NEK1: variants seen among roughly 807,000 people sequenced by gnomAD.
NEK1 encodes NIMA related kinase 1, also known as serine/threonine-protein kinase Nek1.
A neutral mutation model predicts 182.1 loss-of-function variants in NEK1; 137 were observed. The observed-to-expected ratio is 0.75, with a 90% CI of 0.65 to 0.87. The LOEUF (loss-of-function observed/expected upper bound fraction) is 0.87, where lower values mean the gene tolerates loss of function less well. Among genes scored for constraint, NEK1 ranks in the 40% least tolerant of loss-of-function variants. The pLI is 0.00. For missense variants in NEK1, 1,391 were observed against 1,494.4 expected, an observed-to-expected ratio of 0.93 and a Z score of 1.14; for synonymous variants, 513 against 492.2, an observed-to-expected ratio of 1.04 and a Z score of -0.56.
chr4:169,400,539 C>T lies in NEK1; in HGVS notation c.3696G>A (p.Glu1232=), dbSNP rs1213227726. The change falls in exon 34 of 36, where the codon GAG becomes GAA. Residue 1232 remains glutamate (E), a synonymous_variant. Coordinates refer to ENST00000507142, the MANE Select transcript of NEK1 (RefSeq NM_001199397.3). ...EQEMGFEKFF[E]VYEKIKAIHE... ...CACTTACCTTTATTTTCTCATAAACCTCAAAGAATTTTTCAAAGCCCATTT... is the reference window on the plus strand; with the variant it reads ...CACTTACCTTTATTTTCTCATAAACTTCAAAGAATTTTTCAAAGCCCATTT... 1.9e-6 allele frequency: 3 copies of T among 1,602,388 alleles called. No homozygotes were observed. The highest frequency in any genetic ancestry group is 1.7e-5 in the Admixed American group (1 of 57,922).
intron 27 of NEK1, among the ~76,000 whole-genome samples, chr4:169,462,637 A>G (rs370664991): frequency 6.6e-6 from 1 of 152,124 alleles, no homozygotes; most frequent in East Asian, 1.9e-4. Context: ...GAGAAGGAAA[A>G]AGAACACAAA....
At chr4:169,567,554 C>A (rs1763917589) in intron 12 of NEK1, among the ~76,000 whole-genome samples, 5 of 152,120 alleles carry the variant, frequency 3.3e-5, no homozygotes. Flanking sequence ...CACATGTCAC[C>A]ATGCCTGGTT....
intron 28 of NEK1, among the ~76,000 whole-genome samples, chr4:169,434,776 CTTTAAGTT>C (rs1738094877): frequency 6.6e-6 from 1 of 152,174 alleles, no homozygotes; most frequent in Admixed American, 6.5e-5. Context: ...TTGTACTAAT[CTTTAAGTT>C]TTTATCTTTT....
At chr4:169,479,381 T>C in intron 24 of NEK1, 22 bp downstream of exon 24, 1 of 1,601,116 alleles carries the variant, frequency 6.2e-7, no homozygotes, top group Non-Finnish European at 8.5e-7. Flanking sequence ...CTTTGAGGAG[T>C]TCTGAATCTT....
chr4:169,476,924 T>C (rs1747055655), intron 26 of NEK1, among the ~76,000 whole-genome samples, 200 bp downstream of exon 26: 1 of 152,074 alleles, frequency 6.6e-6, no homozygotes, highest in Non-Finnish European at 1.5e-5. Flanking sequence ...CTATTAAGGC[T>C]GATTAGTTTG....
Position 169,561,559 on chromosome 4 carries a change from G to C in NEK1, c.1192-5C>G. The C allele has an allele frequency of 1.2e-6, 2 of 1,612,070 alleles. No homozygotes were observed. The highest frequency in any genetic ancestry group is 3.3e-4 in the Middle Eastern group (2 of 6,050). On this transcript the variant is annotated splice_region_variant and splice_polypyrimidine_tract_variant and intron_variant, in intron 15 of 35. Coordinates refer to ENST00000507142, the MANE Select transcript of NEK1 (RefSeq NM_001199397.3). Reference sequence around the variant, plus strand: ...GGCCCTATTTATTCTTTCCAACTTTGGGGAAAAGAAATAAACAAAACACCA... The same window carrying C: ...GGCCCTATTTATTCTTTCCAACTTTCGGGAAAAGAAATAAACAAAACACCA...
At chr4:169,505,013 C>T (rs898674282) in intron 23 of NEK1, among the ~76,000 whole-genome samples, 1 of 151,388 alleles carries the variant, frequency 6.6e-6, no homozygotes, top group Admixed American at 6.6e-5. Flanking sequence ...TACCATGTAC[C>T]TACAAAAATT....
intron 27 of NEK1, among the ~76,000 whole-genome samples, chr4:169,453,464 A>C (rs1374765462): frequency 2.0e-5 from 3 of 152,240 alleles, no homozygotes; most frequent in African/African-American, 7.2e-5. Flanking sequence ...AACTGGCCCC[A>C]AAACTGGCTA....
At chr4:169,397,357 GTCATT>G (rs368853450) in intron 35 of NEK1, among the ~76,000 whole-genome samples, 12 of 152,216 alleles carry the variant, frequency 7.9e-5, no homozygotes, top group Admixed American at 2.6e-4. Context: ...TCTATATCTA[GTCATT>G]TCATTTAACT....
intron 12 of NEK1, among the ~76,000 whole-genome samples, chr4:169,573,093 G>C (rs1202255735): frequency 2.0e-5 from 3 of 152,198 alleles, no homozygotes; most frequent in African/African-American, 4.8e-5. Flanking sequence ...ATGCAGGAGA[G>C]AGCGCAAAGT....
At chr4:169,607,463 AATTTTT>A (rs1771541422) in intron 2 of NEK1, among the ~76,000 whole-genome samples, 1 of 152,038 alleles carries the variant, frequency 6.6e-6, no homozygotes, top group Admixed American at 6.6e-5. Flanking sequence ...ATTTTTTTTT[AATTTTT>A]AATTTTTTTT....
rs1242299421 is a variant in NEK1, at chr4:169,602,021, T to C, written c.201A>G (p.Arg67=). Residue 67 remains arginine, a synonymous_variant, in exon 4 of 36, where the codon AGA becomes AGG. Coordinates refer to ENST00000507142, the MANE Select transcript of NEK1 (RefSeq NM_001199397.3). Reference sequence around the variant, plus strand: ...AATTTATCTGACCTTCAAATGATTCTCTATACTGGACAATATTTGGATGCT... The same window carrying C: ...AATTTATCTGACCTTCAAATGATTCCCTATACTGGACAATATTTGGATGCT... ...NMKHPNIVQY[R]ESFEENGSLY... 3 of 1,609,888 alleles carry C rather than the reference T, an allele frequency of 1.9e-6. No individual in the cohort carries two copies. The highest frequency in any genetic ancestry group is 1.7e-4 in the Middle Eastern group (1 of 6,058).
At chr4:169,450,195 A>G (rs1354924120) in intron 27 of NEK1, among the ~76,000 whole-genome samples, 3 of 152,210 alleles carry the variant, frequency 2.0e-5, no homozygotes, top group Non-Finnish European at 4.4e-5. Context: ...GACCAAATCT[A>G]CGTCTGATTG....
At chr4:169,441,369 A>G (rs1312923308) in intron 27 of NEK1, among the ~76,000 whole-genome samples, 1 of 152,154 alleles carries the variant, frequency 6.6e-6, no homozygotes, top group African/African-American at 2.4e-5. Context: ...GGTAGCTGGG[A>G]GATCGATCTG....
intron 27 of NEK1, among the ~76,000 whole-genome samples, chr4:169,461,186 A>G (rs1043472400): frequency 1.3e-5 from 2 of 152,176 alleles, no homozygotes; most frequent in African/African-American, 2.4e-5. Context: ...TTTCTACCAC[A>G]TGAAGCTACC....
chr4:169,582,982 A>G (rs138176941), intron 10 of NEK1, among the ~76,000 whole-genome samples: 1 of 152,294 alleles, frequency 6.6e-6, no homozygotes, highest in Non-Finnish European at 1.5e-5. Flanking sequence ...AAGTTGCCAC[A>G]GTGCCCAAGA....
At chr4:169,486,584 A>G (rs1270620645) in intron 23 of NEK1, among the ~76,000 whole-genome samples, 1 of 152,240 alleles carries the variant, frequency 6.6e-6, no homozygotes, top group East Asian at 1.9e-4. Context: ...TCATGGCCAA[A>G]TCTTATCAAA....
chr4:169,497,494 G>A (rs1328195145), intron 23 of NEK1, among the ~76,000 whole-genome samples: 1 of 152,152 alleles, frequency 6.6e-6, no homozygotes, highest in Non-Finnish European at 1.5e-5. Context: ...TAATTGTGAT[G>A]TTAGGGTGTC....
chr4:169,413,727 G>A (rs1014207715), intron 31 of NEK1, among the ~76,000 whole-genome samples: 3 of 152,180 alleles, frequency 2.0e-5, no homozygotes, highest in Admixed American at 6.5e-5. Context: ...GGAGACAACA[G>A]TATTAATGGC....
Sources: allele counts gnomAD v4.1 joint callset (sites outside exome capture counted in the v4.1 genomes callset), GRCh38; gene constraint gnomAD v4.1.1; transcripts MANE v1.5; gene names NCBI Gene and HGNC (gene_info 2026-07-23, HGNC 2026-07-21).